Variants in SYNPR observed in about 807,000 individuals in gnomAD.
The protein encoded by SYNPR is synaptoporin.
SYNPR carries 23 observed loss-of-function variants against 32.9 expected under a neutral mutation model. The ratio of observed to expected loss-of-function variants is 0.70; its 90% CI spans 0.50 to 0.99. The LOEUF (loss-of-function observed/expected upper bound fraction) is 0.99, where lower values mean the gene tolerates loss of function less well. Among genes scored for constraint, SYNPR ranks in the 50% least tolerant of loss-of-function variants. The probability of loss-of-function intolerance (pLI) is 0.00; values close to 1 mark genes in which losing one functional copy is unlikely to be tolerated. For synonymous variants in SYNPR, 146 were observed against 135.9 expected, an observed-to-expected ratio of 1.07 and a Z score of -0.52; for missense variants, 318 against 349.3, an observed-to-expected ratio of 0.91 and a Z score of 0.71.
intron 2 of SYNPR, among the ~76,000 whole-genome samples, chr3:63,329,389 C>A (rs148955395): frequency 7.2e-4 from 110 of 152,160 alleles, no homozygotes; most frequent in African/African-American, 2.4e-3. Flanking sequence ...AGTGGTTGAG[C>A]CAGGATTTGA....
At chr3:63,408,150 G>GAAAGAAAGAAAGAAAAGAAAGA in intron 2 of SYNPR, among the ~76,000 whole-genome samples, 1 of 44,552 alleles carries the variant, frequency 2.2e-5, no homozygotes, top group Non-Finnish European at 4.8e-5. Flanking sequence ...AGAAAAGAAA[G>GAAAGAAAGAAAGAAAAGAAAGA]AAAGAAAGAA....
intron 3 of SYNPR, among the ~76,000 whole-genome samples, chr3:63,509,156 A>G (rs990447711): frequency 2.0e-5 from 3 of 151,646 alleles, no homozygotes; most frequent in Non-Finnish European, 1.5e-5. Flanking sequence ...GTATATCTAT[A>G]TACACACACA....
At chr3:63,490,122 C>A (rs1292680280) in intron 3 of SYNPR, among the ~76,000 whole-genome samples, 1 of 152,000 alleles carries the variant, frequency 6.6e-6, no homozygotes, top group African/African-American at 2.4e-5. Context: ...GAGTGCAGAC[C>A]TGAAAGAATT....
intron 3 of SYNPR, among the ~76,000 whole-genome samples, chr3:63,490,202 C>T (rs1447292310): frequency 7.9e-5 from 12 of 151,896 alleles, no homozygotes; most frequent in Non-Finnish European, 1.3e-4. Context: ...GAGCAGAGGC[C>T]TGAAATCTGA....
upstream of SYNPR, among the ~76,000 whole-genome samples, chr3:63,276,376 C>T (rs1297336191): frequency 6.6e-6 from 1 of 152,138 alleles, no homozygotes; most frequent in East Asian, 1.9e-4. Context: ...TTCCCCTTTG[C>T]TTCTATAGAA....
At chr3:63,366,538 G>T (rs1361756097) in intron 2 of SYNPR, among the ~76,000 whole-genome samples, 1 of 152,114 alleles carries the variant, frequency 6.6e-6, no homozygotes, top group African/African-American at 2.4e-5. Context: ...ATTTATTGAG[G>T]AATGGTTTTC....
At chr3:63,403,910 C>T (rs1242295842) in intron 2 of SYNPR, among the ~76,000 whole-genome samples, 5 of 152,168 alleles carry the variant, frequency 3.3e-5, no homozygotes, top group Non-Finnish European at 7.3e-5. Flanking sequence ...ACAACACCTA[C>T]CTTGGATGTA....
At position 63,597,578 on chromosome 3, in the gene SYNPR, T is replaced by C. The variant is rs559681085; in HGVS notation, c.409-11547T>C. 3.9e-5 allele frequency among the ~76,000 whole-genome samples: 6 copies of C among 152,276 alleles called. No homozygotes were observed. The South Asian group carries it at 1.2e-3, about 32-fold the overall frequency. ...TCTATGTAGGGATGTAGCAATATTGTTTATTGCTCGTTCCCACCAGGATAG... is the reference window on the plus strand; with the variant it reads ...TCTATGTAGGGATGTAGCAATATTGCTTATTGCTCGTTCCCACCAGGATAG... On this transcript the variant is annotated intron_variant, in intron 4 of 5. Coordinates refer to ENST00000478300, the MANE Select transcript of SYNPR (RefSeq NM_001130003.2).
intron 2 of SYNPR, chr3:63,443,258 C>T: frequency 2.8e-6 from 4 of 1,430,156 alleles, no homozygotes; most frequent in Non-Finnish European, 3.7e-6. Flanking sequence ...GCAAATGAGG[C>T]TGAAGCTGCT....
intron 2 of SYNPR, among the ~76,000 whole-genome samples, chr3:63,261,475 C>A (rs994473665): frequency 1.3e-5 from 2 of 148,486 alleles, no homozygotes; most frequent in African/African-American, 5.0e-5. Context: ...AACAAAAAAC[C>A]AAACACCGCA....
intron 3 of SYNPR, among the ~76,000 whole-genome samples, chr3:63,548,389 G>A (rs991211436): frequency 6.6e-6 from 1 of 151,810 alleles, no homozygotes; most frequent in African/African-American, 2.4e-5. Context: ...TACTTGGGGG[G>A]AAAAATGAGA....
chr3:63,310,949 T>A (rs577158070), intron 2 of SYNPR, among the ~76,000 whole-genome samples: 1 of 152,162 alleles, frequency 6.6e-6, no homozygotes, highest in East Asian at 1.9e-4. Flanking sequence ...CTGTTCCCTG[T>A]ACTCTCAGTG....
At chr3:63,445,723 T>C in intron 2 of SYNPR, 1 of 509,982 alleles carries the variant, frequency 2.0e-6, no homozygotes, top group Non-Finnish European at 3.5e-6. Context: ...GTATGTAACT[T>C]ACTTGAGGAA....
intron 1 of SYNPR, among the ~76,000 whole-genome samples, chr3:63,232,182 C>T (rs2086171267): frequency 7.8e-6 from 1 of 128,828 alleles, no homozygotes; most frequent in Admixed American, 8.2e-5. Flanking sequence ...GTGAGTATTT[C>T]AGATTCTGAC....
At chr3:63,414,271 T>A (rs934682246) in intron 2 of SYNPR, among the ~76,000 whole-genome samples, 1 of 152,110 alleles carries the variant, frequency 6.6e-6, no homozygotes, top group Admixed American at 6.5e-5. Flanking sequence ...GTGGGCTTTT[T>A]TCTTACAAAT....
chr3:63,532,066 C>A (rs1000510061), intron 3 of SYNPR, among the ~76,000 whole-genome samples: 5 of 152,206 alleles, frequency 3.3e-5, no homozygotes, highest in Non-Finnish European at 5.9e-5. Context: ...AAGCAGTGGC[C>A]TTCCATTCTT....
intron 2 of SYNPR, among the ~76,000 whole-genome samples, chr3:63,261,816 G>T (rs6763105): frequency 0.069 from 10,253 of 148,572 alleles, 956 homozygotes; most frequent in African/African-American, 0.23. Context: ...TCATAGGTGG[G>T]AATTGAACAA....
At chr3:63,341,485 T>G (rs2087370328) in intron 2 of SYNPR, among the ~76,000 whole-genome samples, 1 of 152,194 alleles carries the variant, frequency 6.6e-6, no homozygotes, top group Non-Finnish European at 1.5e-5. Flanking sequence ...TGAATGACAG[T>G]TCCTATTACT....
chr3:63,396,090 C>G (rs1012507671), intron 2 of SYNPR, among the ~76,000 whole-genome samples: 5 of 152,200 alleles, frequency 3.3e-5, no homozygotes, highest in African/African-American at 1.2e-4. Context: ...AGACAGAAAA[C>G]AGCTACGACG....
Sources: gnomAD v4.1 joint callset for allele counts (sites outside exome capture counted in the v4.1 genomes callset) on GRCh38, gnomAD v4.1.1 for gene constraint, MANE v1.5 for transcripts, NCBI Gene and HGNC (gene_info 2026-07-23, HGNC 2026-07-21) for gene names.